Variants in GLG1 observed in about 807,000 individuals in gnomAD.
GLG1 encodes Golgi apparatus protein 1.
GLG1 carries 38 observed loss-of-function variants against 160.5 expected under a neutral mutation model. The observed-to-expected ratio is 0.24, with a 90% CI of 0.18 to 0.31. GLG1 has a LOEUF of 0.31. GLG1 is among the 10% of genes least tolerant of loss of function. The pLI is 1.00. For synonymous variants in GLG1, 644 were observed against 543.4 expected, an observed-to-expected ratio of 1.19 and a Z score of -2.57; for missense variants, 1,373 against 1,505.2, an observed-to-expected ratio of 0.91 and a Z score of 1.45.
chr16:74,529,980 T>G (rs1181044543), intron 2 of GLG1, among the ~76,000 whole-genome samples: 2 of 151,784 alleles, frequency 1.3e-5, no homozygotes, highest in Admixed American at 6.6e-5. Flanking sequence ...CCTGGCTAAT[T>G]TTTTTATTTT....
chr16:74,540,861 A>C (rs1252969795), intron 1 of GLG1, among the ~76,000 whole-genome samples: 3 of 152,194 alleles, frequency 2.0e-5, no homozygotes, highest in African/African-American at 7.2e-5. Context: ...TCAAGAGATA[A>C]AAGGCCTTGT....
chr16:74,500,835 T>C (rs1254245139), intron 4 of GLG1, among the ~76,000 whole-genome samples: 1 of 152,244 alleles, frequency 6.6e-6, no homozygotes, highest in Non-Finnish European at 1.5e-5. Flanking sequence ...CCTTTCATTT[T>C]GACAACATTT....
At position 74,508,836 on chromosome 16, in the gene GLG1, T is replaced by G; in HGVS notation, c.558+3A>C. The G allele has an allele frequency of 7.6e-7, 1 of 1,324,324 alleles. No homozygotes were observed. Among genetic ancestry groups the G allele is most frequent in the Admixed American group, 1.7e-5 (1 of 59,576 alleles). 82.0% of individuals were successfully genotyped at this position (1,324,324 alleles called of 1,614,324 possible). On this transcript the variant is annotated splice_donor_region_variant and intron_variant, in intron 3 of 25. Coordinates refer to ENST00000422840, the MANE Select transcript of GLG1 (RefSeq NM_001145667.2). ...TTGTCTACAAAATTCTTTGACAACT[T>G]ACCTCTGTTATAGTAGATTTGCAAA...
intron 3 of GLG1, among the ~76,000 whole-genome samples, chr16:74,504,377 A>G (rs1192680686): frequency 6.6e-6 from 1 of 152,062 alleles, no homozygotes; most frequent in Non-Finnish European, 1.5e-5. Context: ...AACCCCTGGC[A>G]CCCAGGTTCA....
intron 1 of GLG1, among the ~76,000 whole-genome samples, chr16:74,569,904 C>T (rs1490175726): frequency 2.0e-5 from 3 of 150,676 alleles, no homozygotes; most frequent in East Asian, 3.9e-4. Context: ...CGGTTTTGGC[C>T]GGGCGCAATG....
In GLG1 at chr16:74,591,272, C is replaced by T. The variant is rs1476171765; in HGVS notation, c.438+15385G>A. 2.7e-5 allele frequency among the ~76,000 whole-genome samples: 4 copies of T among 146,776 alleles called. No homozygotes were observed. The South Asian group carries it at 6.6e-4, about 24-fold the overall frequency. ...CTTGAACCCGGGAGGCGGAGGCTGC[C>T]GTGAGCCAACATCGTGCCACTGCAC... On this transcript the variant is annotated intron_variant, in intron 1 of 25. Transcript: ENST00000422840.
intron 1 of GLG1, among the ~76,000 whole-genome samples, chr16:74,602,060 T>C (rs980175355): frequency 4.6e-5 from 7 of 152,116 alleles, no homozygotes; most frequent in Non-Finnish European, 1.0e-4. Flanking sequence ...AGAGATGGTG[T>C]AGTCCACTAT....
intron 1 of GLG1, among the ~76,000 whole-genome samples, chr16:74,555,556 G>C (rs1339835775): frequency 6.6e-6 from 1 of 151,902 alleles, no homozygotes; most frequent in South Asian, 2.1e-4. Flanking sequence ...CAGGTGTGGT[G>C]GTGTGTGCCT....
intron 16 of GLG1, chr16:74,469,419 G>C (rs1360816782): frequency 8.5e-6 from 2 of 234,460 alleles, no homozygotes; most frequent in Non-Finnish European, 1.7e-5. Context: ...ACTCACTCCT[G>C]AAAGGTAGAG....
intron 1 of GLG1, among the ~76,000 whole-genome samples, chr16:74,598,250 G>A (rs1186702492): frequency 4.6e-5 from 7 of 151,976 alleles, no homozygotes; most frequent in South Asian, 2.1e-4. Context: ...GGTCGGGCGC[G>A]GTGGCTCACG....
rs1436186637 is a variant in GLG1 at position 74,447,886 on chromosome 16, C to T, written c.*5281G>A. The T allele has an allele frequency of 6.6e-6, 1 of 152,364 alleles. No individual in the cohort carries two copies. Among genetic ancestry groups the T allele is most frequent in the Non-Finnish European group, 1.5e-5 (1 of 68,152 alleles). The allele number at this position is 152,364 out of a possible 1,614,324, so 9.4% of individuals were successfully genotyped here. A position where few individuals can be genotyped will look rare whatever the true frequency, so the allele number is the denominator to read the frequency against. On this transcript the variant is annotated 3_prime_UTR_variant, in exon 26 of 26. Transcript: ENST00000422840. ...GGGCTCTGGGGTCCAGATGTCAACT[C>T]TACATTGGAGGAGGCAAAACACAAT...
chr16:74,591,325 C>G (rs928919060), intron 1 of GLG1, among the ~76,000 whole-genome samples: 4 of 123,310 alleles, frequency 3.2e-5, no homozygotes, highest in Admixed American at 2.6e-4. Flanking sequence ...AGCAAGACTC[C>G]ATCTCAAAAA....
chr16:74,494,558 C>G (rs1392683410), intron 6 of GLG1, among the ~76,000 whole-genome samples: 3 of 151,714 alleles, frequency 2.0e-5, no homozygotes, highest in Non-Finnish European at 2.9e-5. Flanking sequence ...AGGCGCCCAC[C>G]ACCACGGCCG....
chr16:74,570,179 T>C (rs1469762987), intron 1 of GLG1, among the ~76,000 whole-genome samples: 1 of 152,200 alleles, frequency 6.6e-6, no homozygotes, highest in African/African-American at 2.4e-5. Context: ...ATGAATATTT[T>C]CACTTCTACA....
In GLG1 at chr16:74,465,807, C is replaced by T. The variant is rs1364941772; in HGVS notation, c.2536G>A (p.Glu846Lys). 1.9e-6 allele frequency: 3 copies of T among 1,613,396 alleles called. No homozygotes were observed. Among genetic ancestry groups the T allele is most frequent in the Non-Finnish European group, 2.5e-6 (3 of 1,179,614 alleles). ...TGCTTCTTGTTTTCTTTCAGACATT[C>T]GATAATCTATGGCAAAAGAGTTATA... ...AVQYGNAQII[E>K]CLKENKKQLS... Residue 846 changes from glutamate (E) to lysine (K), a missense_variant, in exon 19 of 26, where the codon GAA becomes AAA. Around this residue, in one of 4 missense-constraint regions of GLG1, gnomAD observed 491 missense variants for 632.1 expected, o/e 0.78. Coordinates refer to ENST00000422840, the MANE Select transcript of GLG1 (RefSeq NM_001145667.2).
At chr16:74,464,730 T>C (rs4888242) in intron 19 of GLG1, among the ~76,000 whole-genome samples, 106,363 of 152,150 alleles carry the variant, frequency 0.7, 37,368 homozygotes, top group East Asian at 0.81. Context: ...AGACTTACAT[T>C]CTAACTTTCA....
At chr16:74,458,043 T>A in intron 23 of GLG1, 49 bp from the exon 24 acceptor site, 1 of 1,592,548 alleles carries the variant, frequency 6.3e-7, no homozygotes. Flanking sequence ...GGGAAATGCA[T>A]CAGATCTGTT....
rs1247502498 is a variant in GLG1, at chr16:74,447,608, G to C, written c.*5559C>G. The C allele has an allele frequency of 6.6e-6, 1 of 152,204 alleles. No individual in the cohort carries two copies. The highest frequency in any genetic ancestry group is 2.4e-5 in the African/African-American group (1 of 41,440). 9.4% of individuals were successfully genotyped at this position (152,204 alleles called of 1,614,324 possible). A position where few individuals can be genotyped will look rare whatever the true frequency, so the allele number is the denominator to read the frequency against. On this transcript the variant is annotated 3_prime_UTR_variant, in exon 26 of 26. Transcript: ENST00000422840. Reference sequence around the variant, plus strand: ...GAAAGGAAACCCATTTACAAAAGAGGCTTGTTAATTGTATTTTTTTCTTTC... The same window carrying C: ...GAAAGGAAACCCATTTACAAAAGAGCCTTGTTAATTGTATTTTTTTCTTTC...
intron 3 of GLG1, among the ~76,000 whole-genome samples, chr16:74,505,846 C>A (rs1465938913): frequency 6.6e-6 from 1 of 151,922 alleles, no homozygotes; most frequent in Non-Finnish European, 1.5e-5. Flanking sequence ...CAGAGCGAGA[C>A]TACTTCTCTA....
Sources: allele counts gnomAD v4.1 joint callset (sites outside exome capture counted in the v4.1 genomes callset), GRCh38; gene constraint gnomAD v4.1.1; regional missense constraint gnomAD v4.1.1; transcripts MANE v1.5; gene names NCBI Gene and HGNC (gene_info 2026-07-23, HGNC 2026-07-21).